USP38: variants seen among roughly 807,000 people sequenced by gnomAD.
USP38 encodes ubiquitin carboxyl-terminal hydrolase 38.
A neutral mutation model predicts 94.3 loss-of-function variants in USP38; 49 were observed. The ratio of observed to expected loss-of-function variants is 0.52; its 90% CI spans 0.41 to 0.66. USP38 has a LOEUF of 0.66. Among genes scored for constraint, USP38 ranks in the 30% least tolerant of loss-of-function variants. The probability of loss-of-function intolerance (pLI) is 0.00; values close to 1 mark genes in which losing one functional copy is unlikely to be tolerated. For missense variants in USP38, 1,128 were observed against 1,229.4 expected (o/e 0.92, Z 1.23); for synonymous variants, 468 against 463.6 (o/e 1.01, Z -0.12).
Position 143,206,108 on chromosome 4 carries a change from T to G in USP38, c.1285T>G (p.Leu429Val). ...TGCCTGGACTTCTCAATCCAATTCT[T>G]TGGCGTCTTGCTTGTCTAGACTTTC... ...QSAWTSQSNS[L>V]ASCLSRLSGK... The change falls in exon 6 of 10, where the codon TTG (leucine) becomes GTG (valine). Residue 429 changes from leucine (L) to valine (V), a missense_variant. By Grantham distance (32) the Leu-to-Val change is conservative. Transcript: ENST00000307017. The G allele has an allele frequency of 6.2e-7, 1 of 1,613,804 alleles. No individual in the cohort carries two copies. The highest frequency in any genetic ancestry group is 1.1e-5 in the South Asian group (1 of 91,016).
intron 9 of USP38, among the ~76,000 whole-genome samples, chr4:143,217,297 A>G (rs2149613869): frequency 6.6e-6 from 1 of 152,326 alleles, no homozygotes; most frequent in Non-Finnish European, 1.5e-5. Context: ...TTATGTATAC[A>G]GCAGTTTTCA....
At chr4:143,209,108 ATCTT>A (rs1731954310) in intron 6 of USP38, among the ~76,000 whole-genome samples, 1 of 25,428 alleles carries the variant, frequency 3.9e-5, no homozygotes, top group Non-Finnish European at 8.8e-5. Flanking sequence ...AAGTTTACTT[ATCTT>A]ATAAATTAAT....
intron 5 of USP38, chr4:143,204,529 C>G: frequency 2.5e-6 from 1 of 395,366 alleles, no homozygotes; most frequent in Non-Finnish European, 4.9e-6. Context: ...AGCTGGGACT[C>G]CAGGTGCACA....
At chr4:143,193,042 C>T (rs57168887) in intron 2 of USP38, among the ~76,000 whole-genome samples, 72,877 of 151,920 alleles carry the variant, frequency 0.48, 19,334 homozygotes, top group East Asian at 0.82. Flanking sequence ...TCTGGTGAGC[C>T]CTGTCTGGTT....
At chr4:143,189,964 G>C (rs940687734) in intron 2 of USP38, among the ~76,000 whole-genome samples, 3 of 151,542 alleles carry the variant, frequency 2.0e-5, no homozygotes, top group African/African-American at 4.8e-5. Flanking sequence ...CACTTTATCA[G>C]TTCTGATCTG....
intron 8 of USP38, 42 bp from the exon 9 acceptor site, chr4:143,213,539 A>T: frequency 1.3e-6 from 2 of 1,495,094 alleles, no homozygotes; most frequent in Non-Finnish European, 1.8e-6. Context: ...ATGACATTTG[A>T]AGTTAATTTA....
chr4:143,211,191 T>A (rs11947142), intron 7 of USP38, among the ~76,000 whole-genome samples: 109,989 of 152,088 alleles, frequency 0.72, 40,198 homozygotes, highest in East Asian at 0.83. Context: ...AGTAGAAATT[T>A]AAAAGAGCCT....
At chr4:143,213,273 T>A (rs1325014343) in intron 8 of USP38, among the ~76,000 whole-genome samples, 2 of 152,180 alleles carry the variant, frequency 1.3e-5, no homozygotes, top group African/African-American at 4.8e-5. Flanking sequence ...CCTGACTTTC[T>A]ATGAGATGTC....
chr4:143,209,913 G>A (rs1446027615), intron 7 of USP38, among the ~76,000 whole-genome samples: 1 of 151,970 alleles, frequency 6.6e-6, no homozygotes, highest in Non-Finnish European at 1.5e-5. Flanking sequence ...CTGACCCATT[G>A]ATCTAGAAAT....
Position 143,220,500 on chromosome 4 carries a change from CTATGA to C in USP38, c.*45_*49del. On this transcript the variant is annotated 3_prime_UTR_variant, in exon 10 of 10. Coordinates refer to ENST00000307017, the MANE Select transcript of USP38 (RefSeq NM_032557.6). ...TGCACTGGTCACGAAACGTCTAATA[CTATGA>C]CTGTTAAAATGTCAGACTATAACAA... The C allele has an allele frequency of 6.7e-7, 1 of 1,498,232 alleles. No homozygotes were observed. The allele number at this position is 1,498,232 out of a possible 1,614,324, so 92.8% of individuals were successfully genotyped here. A position where few individuals can be genotyped will look rare whatever the true frequency, so the allele number is the denominator to read the frequency against.
intron 2 of USP38, 24 bp downstream of exon 2, chr4:143,187,985 T>C (rs750402765): frequency 1.3e-6 from 2 of 1,585,504 alleles, no homozygotes; most frequent in African/African-American, 2.7e-5. Context: ...ACACTATTAA[T>C]GGTAATTGTA....
At position 143,214,820 on chromosome 4, in the gene USP38, AC is replaced by A; in HGVS notation, c.2845del (p.Gln949SerfsTer7). ...DTAYVLLYKK[Q>X]HSTNGLSGNN... ...CAGCTTATGTGCTTTTGTATAAAAAACAGCATAGTACTAATGGTTTAAGTGG... is the reference window on the plus strand; with the variant it reads ...CAGCTTATGTGCTTTTGTATAAAAAAAGCATAGTACTAATGGTTTAAGTGG... On this transcript the variant is annotated frameshift_variant, in exon 9 of 10. Transcript: ENST00000307017. LOFTEE classifies it high-confidence loss of function. 1 of 1,613,738 alleles carries A rather than the reference AC, an allele frequency of 6.2e-7. No homozygotes were observed. Among genetic ancestry groups the A allele is most frequent in the Non-Finnish European group, 8.5e-7 (1 of 1,179,770 alleles).
chr4:143,205,209 G>T (rs533659611), intron 5 of USP38, among the ~76,000 whole-genome samples: 10 of 152,102 alleles, frequency 6.6e-5, no homozygotes, highest in African/African-American at 2.2e-4. Flanking sequence ...CAATGGGCTC[G>T]CTCTAAGCCC....
chr4:143,188,646 C>T (rs780033819), intron 2 of USP38, among the ~76,000 whole-genome samples: 2 of 152,052 alleles, frequency 1.3e-5, no homozygotes, highest in African/African-American at 2.4e-5. Flanking sequence ...ATTTGCCCTT[C>T]TTAGCACTTT....
chr4:143,214,372 C>A lies in USP38; in HGVS notation c.2396C>A (p.Ser799Tyr). Reference sequence around the variant, plus strand: ...GAGTTGCCAGTTAAAAGAATTACTTCTTTCTCTTCATTGTCAGAAAGTTGG... The same window carrying A: ...GAGTTGCCAGTTAAAAGAATTACTTATTTCTCTTCATTGTCAGAAAGTTGG... The part of the protein sequence containing the change: ...VLELPVKRIT[S>Y]FSSLSESWSV... The change falls in exon 9 of 10, where the codon TCT becomes TAT. Residue 799 changes from serine (S) to tyrosine (Y), a missense_variant. Coordinates refer to ENST00000307017, the MANE Select transcript of USP38 (RefSeq NM_032557.6). 1 of 1,613,682 alleles carries A rather than the reference C, an allele frequency of 6.2e-7. No homozygotes were observed. The highest frequency in any genetic ancestry group is 8.5e-7 in the Non-Finnish European group (1 of 1,179,828).
chr4:143,213,703 C>G lies in USP38; in HGVS notation c.1727C>G (p.Pro576Arg), dbSNP rs1000270738. 1.9e-6 allele frequency: 3 copies of G among 1,613,568 alleles called. 1 individual carries two copies. Among genetic ancestry groups the G allele is most frequent in the South Asian group, 2.2e-5 (2 of 91,074 alleles). The change falls in exon 9 of 10, where the codon CCT becomes CGT. Residue 576 changes from proline to arginine, a missense_variant. Coordinates refer to ENST00000307017, the MANE Select transcript of USP38 (RefSeq NM_032557.6). ...AAAGCAGCAGTACTAACAGAGACCCCTCGTACAAGTGACGGTGAGAAGACT... is the reference window on the plus strand; with the variant it reads ...AAAGCAGCAGTACTAACAGAGACCCGTCGTACAAGTGACGGTGAGAAGACT... ...ASKAAVLTET[P>R]RTSDGEKTLI... is the part of the protein sequence containing the mutation.
chr4:143,190,387 C>G (rs1219496243), intron 2 of USP38, among the ~76,000 whole-genome samples: 1 of 152,048 alleles, frequency 6.6e-6, no homozygotes, highest in Non-Finnish European at 1.5e-5. Flanking sequence ...TTTACCCAAG[C>G]TCGTTCAGGT....
intron 9 of USP38, among the ~76,000 whole-genome samples, chr4:143,217,427 T>A (rs940601351): frequency 6.6e-6 from 1 of 152,176 alleles, no homozygotes; most frequent in Non-Finnish European, 1.5e-5. Flanking sequence ...TATAATAGAT[T>A]ACTATGTCTG....
intron 2 of USP38, among the ~76,000 whole-genome samples, chr4:143,189,611 T>G (rs1731336693): frequency 6.6e-6 from 1 of 152,040 alleles, no homozygotes; most frequent in Non-Finnish European, 1.5e-5. Context: ...CTAGCGTTTC[T>G]TCTTTCTTTT....
Sources: gnomAD v4.1 joint callset for allele counts (sites outside exome capture counted in the v4.1 genomes callset) on GRCh38, gnomAD v4.1.1 for gene constraint, MANE v1.5 for transcripts, NCBI Gene and HGNC (gene_info 2026-07-23, HGNC 2026-07-21) for gene names.